N4BP2: variants seen among roughly 807,000 people sequenced by gnomAD.
N4BP2 encodes NEDD4-binding protein 2.
In N4BP2, 91 loss-of-function variants were observed where a neutral mutation model predicts 152.8. That is an observed-to-expected ratio of 0.60 (90% CI 0.50 to 0.71). N4BP2 has a LOEUF of 0.71. Ranked by LOEUF, N4BP2 falls within the 30% of genes least tolerant of loss-of-function variation. The pLI is 0.00. For synonymous variants in N4BP2, 646 were observed against 705.3 expected (o/e 0.92, Z 1.33); for missense variants, 1,923 against 2,059.1 (o/e 0.93, Z 1.28).
At chr4:40,186,674 A>G in the N4BP2 span, among the ~76,000 whole-genome samples, 221 of 152,354 alleles carry the variant, frequency 1.5e-3, no homozygotes, top group Middle Eastern at 3.4e-3. Context: ...ACTTAACAGT[A>G]TATTGTGAGC....
chr4:40,092,046 A>ATATATATATG (rs1491152490), intron 2 of N4BP2, among the ~76,000 whole-genome samples: 10 of 97,462 alleles, frequency 1.0e-4, no homozygotes, highest in African/African-American at 1.5e-4. Context: ...ATATATATAT[A>ATATATATATG]GCTGAATTTT....
At chr4:40,147,560 G>A (rs1193399980) in intron 16 of N4BP2, among the ~76,000 whole-genome samples, 3 of 147,964 alleles carry the variant, frequency 2.0e-5, no homozygotes, top group African/African-American at 7.5e-5. Flanking sequence ...CCTCCCTCCC[G>A]GACATGGCGG....
chr4:40,180,917 T>C, the N4BP2 span, among the ~76,000 whole-genome samples: 14 of 152,290 alleles, frequency 9.2e-5, no homozygotes, highest in South Asian at 2.1e-4. Context: ...TTTGGGAGGC[T>C]GAGGCGGGTG....
At chr4:40,125,029 A>G (rs1560620975) in intron 11 of N4BP2, among the ~76,000 whole-genome samples, 2 of 152,192 alleles carry the variant, frequency 1.3e-5, no homozygotes, top group South Asian at 2.1e-4. Context: ...CAGACCTGTT[A>G]TTAAGCATCC....
chr4:40,122,940 G>C (rs1344972291), intron 9 of N4BP2, among the ~76,000 whole-genome samples, 187 bp from the exon 10 acceptor site: 1 of 152,218 alleles, frequency 6.6e-6, no homozygotes, highest in Admixed American at 6.5e-5. Flanking sequence ...CAGTAGTCAA[G>C]AAGTGTGAAG....
intron 16 of N4BP2, among the ~76,000 whole-genome samples, chr4:40,147,590 C>T (rs902549660): frequency 6.9e-6 from 1 of 145,636 alleles, no homozygotes; most frequent in East Asian, 2.1e-4. Flanking sequence ...TGGGGGCTGA[C>T]CCCCCCACCT....
At position 40,120,929 on chromosome 4, in the gene N4BP2, ACAT is replaced by A; in HGVS notation, c.2819_2821del (p.Thr940_Leu941delinsMet). 1 of 1,614,176 alleles carries A rather than the reference ACAT, an allele frequency of 6.2e-7. No homozygotes were observed. Among genetic ancestry groups the A allele is most frequent in the Non-Finnish European group, 8.5e-7 (1 of 1,180,018 alleles). ...GGGCACAAGCTCTCAAAAACTAAAGACATTGGGTAGCTCCAATCTAGGAAGTTC... is the reference window on the plus strand; with the variant it reads ...GGGCACAAGCTCTCAAAAACTAAAGATGGGTAGCTCCAATCTAGGAAGTTC... On this transcript the variant is annotated inframe_deletion, in exon 9 of 18. Transcript: ENST00000261435.
chr4:40,147,606 C>T (rs2110043512), intron 16 of N4BP2, among the ~76,000 whole-genome samples: 1 of 151,344 alleles, frequency 6.6e-6, no homozygotes, highest in African/African-American at 2.4e-5. Context: ...CACCTCCCTC[C>T]CGGACGGGGC....
At chr4:40,151,079 A>C (rs76679913) in intron 16 of N4BP2, among the ~76,000 whole-genome samples, 3,168 of 152,294 alleles carry the variant, frequency 0.021, 114 homozygotes, top group African/African-American at 0.071. Flanking sequence ...GAAACGAAAC[A>C]TATACATTAC....
At chr4:40,139,614 C>T (rs1171003230) in intron 14 of N4BP2, among the ~76,000 whole-genome samples, 2 of 150,778 alleles carry the variant, frequency 1.3e-5, no homozygotes, top group Non-Finnish European at 2.9e-5. Context: ...GCCTCAGCCT[C>T]CCAGGTAGCT....
intron 11 of N4BP2, among the ~76,000 whole-genome samples, chr4:40,124,800 A>G (rs564427205): frequency 3.0e-4 from 45 of 152,228 alleles, no homozygotes; most frequent in African/African-American, 6.3e-4. Flanking sequence ...TTTGCTCTGC[A>G]TGAAAGAAAA....
At chr4:40,072,984 G>GTGT (rs1712360276) in intron 1 of N4BP2, among the ~76,000 whole-genome samples, 1 of 152,122 alleles carries the variant, frequency 6.6e-6, no homozygotes, top group Non-Finnish European at 1.5e-5. Flanking sequence ...GGCCTCCAAA[G>GTGT]TGTTGGGATT....
chr4:40,123,019 A>C (rs1402712345), intron 9 of N4BP2, 108 bp from the exon 10 acceptor site: 3 of 624,356 alleles, frequency 4.8e-6, no homozygotes, highest in Non-Finnish European at 8.6e-6. Flanking sequence ...TAAGTTAGGA[A>C]TTAATAGTAC....
At chr4:40,080,103 T>C (rs1212472488) in intron 2 of N4BP2, among the ~76,000 whole-genome samples, 1 of 152,066 alleles carries the variant, frequency 6.6e-6, no homozygotes, top group Non-Finnish European at 1.5e-5. Flanking sequence ...TCAAATACAA[T>C]CTCTGTTTAG....
At chr4:40,124,584 T>C (rs1361020068) in intron 11 of N4BP2, among the ~76,000 whole-genome samples, 1 of 152,160 alleles carries the variant, frequency 6.6e-6, no homozygotes, top group Non-Finnish European at 1.5e-5. Context: ...TGACCTCAGG[T>C]GATCTGCCCA....
At chr4:40,184,727 A>G in the N4BP2 span, among the ~76,000 whole-genome samples, 2 of 152,068 alleles carry the variant, frequency 1.3e-5, no homozygotes, top group African/African-American at 4.8e-5. Flanking sequence ...AGGCCGAGGC[A>G]GGTGGATCAT....
At chr4:40,115,185 T>C (rs751394409) in intron 7 of N4BP2, among the ~76,000 whole-genome samples, 10 of 152,220 alleles carry the variant, frequency 6.6e-5, no homozygotes, top group Non-Finnish European at 8.8e-5. Flanking sequence ...TTTTCTAATA[T>C]GACATTTGAT....
chr4:40,088,410 G>A (rs1363990897), intron 2 of N4BP2, among the ~76,000 whole-genome samples: 1 of 151,840 alleles, frequency 6.6e-6, no homozygotes, highest in Non-Finnish European at 1.5e-5. Context: ...GCAACCATAA[G>A]TGATGTTGTT....
intron 14 of N4BP2, among the ~76,000 whole-genome samples, chr4:40,137,411 T>C (rs1251131080): frequency 6.6e-6 from 1 of 152,248 alleles, no homozygotes; most frequent in Non-Finnish European, 1.5e-5. Context: ...ATTTAGCCTT[T>C]TGGGAAAGTG....
Sources: gnomAD v4.1 joint callset for allele counts (sites outside exome capture counted in the v4.1 genomes callset) on GRCh38, gnomAD v4.1.1 for gene constraint, MANE v1.5 for transcripts, NCBI Gene and HGNC (gene_info 2026-07-23, HGNC 2026-07-21) for gene names.